Variants in CCAR2 observed in about 807,000 individuals in gnomAD.
CCAR2 encodes the protein cell cycle and apoptosis regulator protein 2.
In CCAR2, 21 loss-of-function variants were observed where a neutral mutation model predicts 108.1. The observed-to-expected ratio is 0.19, with a 90% confidence interval of 0.14 to 0.28. CCAR2 has a LOEUF of 0.28. Among genes scored for constraint, CCAR2 ranks in the 10% least tolerant of loss-of-function variants. The pLI is 1.00. For synonymous variants in CCAR2, 577 were observed against 472.8 expected, an observed-to-expected ratio of 1.22 and a Z score of -2.86; for missense variants, 1,126 against 1,177.0, an observed-to-expected ratio of 0.96 and a Z score of 0.63.
intron 13 of CCAR2, 45 bp from the exon 14 acceptor site, chr8:22,615,967 A>AGTCT: frequency 1.2e-6 from 2 of 1,612,736 alleles, no homozygotes; most frequent in South Asian, 2.2e-5. Flanking sequence ...GGCCTGAAGC[A>AGTCT]GTCTTTCTTC....
At chr8:22,621,200 G>C, downstream of CCAR2, 1 of 590,408 alleles carries the variant, frequency 1.7e-6, no homozygotes, top group South Asian at 2.1e-5. Flanking sequence ...AGCCCCAAGG[G>C]TTTGTCTACA....
intron 7 of CCAR2, among the ~76,000 whole-genome samples, chr8:22,612,018 C>CAA (rs1021894010): frequency 1.3e-5 from 2 of 151,294 alleles, no homozygotes; most frequent in African/African-American, 4.9e-5. Context: ...GATCTCGGCT[C>CAA]ACTGCCACCT....
In CCAR2 at chr8:22,620,112, C is replaced by T. The variant is rs200720164; in HGVS notation, c.*430C>T. On this transcript the variant is annotated 3_prime_UTR_variant, in exon 21 of 21. Transcript: ENST00000308511. ...TGGAGCCTGGCTGGGGCTAAGCAGCCCCCTCCTCCGGATGGCACAGGCTCT... is the reference window on the plus strand; with the variant it reads ...TGGAGCCTGGCTGGGGCTAAGCAGCTCCCTCCTCCGGATGGCACAGGCTCT... 1.6e-5 allele frequency: 3 copies of T among 182,514 alleles called. No homozygotes were observed. Among genetic ancestry groups the T allele is most frequent in the East Asian group, 3.0e-4 (2 of 6,752 alleles). The allele number at this position is 182,514 out of a possible 1,614,324, so 11.3% of individuals were successfully genotyped here.
rs369541294 is a variant in CCAR2 at position 22,613,013 on chromosome 8, C to T, written c.585-4C>T. The T allele has an allele frequency of 6.2e-7, 1 of 1,612,216 alleles. No homozygotes were observed. Among genetic ancestry groups the T allele is most frequent in the Admixed American group, 1.7e-5 (1 of 59,654 alleles). On this transcript the variant is annotated splice_polypyrimidine_tract_variant and splice_region_variant and intron_variant, in intron 7 of 20. Coordinates refer to ENST00000308511, the MANE Select transcript of CCAR2 (RefSeq NM_001393997.1). ...CTTACTGTTGGTGATGGGTCAACCT[C>T]TAGTGATGACTATGACTCCAAGAAA...
chr8:22,614,828 CTT>C lies in CCAR2; in HGVS notation c.1042-9_1042-8del. 6.2e-7 allele frequency: 1 copy of C among 1,612,860 alleles called. No individual in the cohort carries two copies. Among genetic ancestry groups the C allele is most frequent in the Non-Finnish European group, 8.5e-7 (1 of 1,179,676 alleles). Reference sequence around the variant, plus strand: ...GTTTTTTGTTTTGTATCCCTGATCTCTTCTTGCAGTTTTTGCTGGGCAGGAAA... The same window carrying C: ...GTTTTTTGTTTTGTATCCCTGATCTCCTTGCAGTTTTTGCTGGGCAGGAAA... On this transcript the variant is annotated splice_region_variant and splice_polypyrimidine_tract_variant and intron_variant, in intron 10 of 20. Transcript: ENST00000308511.
rs149738749 is a variant in CCAR2 at position 22,618,936 on chromosome 8, C to G, written c.2442C>G (p.Ser814Arg). The change falls in exon 19 of 21, where the codon AGC (serine) becomes AGG (arginine). Residue 814 changes from serine (S) to arginine (R), a missense_variant. Physicochemically the swap from Ser to Arg is moderately radical, Grantham distance 110. Transcript: ENST00000308511. ...SHNGSLINVG[S>R]LLQRAEQQDS... ...ATGGCAGCCTGATTAACGTGGGGAGCCTGCTGCAGCGCGCGGAGCAGCAGG... is the reference window on the plus strand; with the variant it reads ...ATGGCAGCCTGATTAACGTGGGGAGGCTGCTGCAGCGCGCGGAGCAGCAGG... The G allele has an allele frequency of 5.0e-6, 8 of 1,613,632 alleles. No individual in the cohort carries two copies. The African/African-American group carries it at 9.3e-5, about 19-fold the overall frequency.
At chr8:22,619,473 C>T in intron 20 of CCAR2, 118 bp downstream of exon 20, 2 of 1,415,724 alleles carry the variant, frequency 1.4e-6, no homozygotes, top group Non-Finnish European at 1.9e-6. Context: ...CCGGCTTCGT[C>T]TTTCCATCGC....
In CCAR2 at chr8:22,615,081, C is replaced by A. The variant is rs1801445327; in HGVS notation, c.1205+80C>A. The stretch of plus-strand genomic sequence containing the variant: ...TGTTGGGAAGGCCCGGTCCCTGCCC[C>A]TTTCTGCTGGTTAGCTCTCTGCCCC... On this transcript the variant is annotated intron_variant, in intron 11 of 20. Coordinates refer to ENST00000308511, the MANE Select transcript of CCAR2 (RefSeq NM_001393997.1). 5 of 1,434,988 alleles carry A rather than the reference C, an allele frequency of 3.5e-6. No homozygotes were observed. In the Admixed American group the frequency reaches 1.3e-4, roughly 36 times the overall value. 88.9% of individuals were successfully genotyped at this position (1,434,988 alleles called of 1,614,324 possible). A position where few individuals can be genotyped will look rare whatever the true frequency, so the allele number is the denominator to read the frequency against.
chr8:22,606,752 A>G (rs1586945901), intron 4 of CCAR2, 54 bp downstream of exon 4: 2 of 1,513,976 alleles, frequency 1.3e-6, no homozygotes, highest in South Asian at 1.1e-5. Flanking sequence ...CAGTTCTGTC[A>G]CCATGCTGGT....
chr8:22,605,618 A>G (rs889542417), intron 1 of CCAR2, 118 bp from the exon 2 acceptor site: 2 of 645,946 alleles, frequency 3.1e-6, no homozygotes, highest in Non-Finnish European at 5.5e-6. Context: ...GCTTTCATTC[A>G]TTCTTATTAC....
downstream of CCAR2, chr8:22,621,063 T>TCGG: frequency 5.1e-6 from 1 of 195,542 alleles, no homozygotes; most frequent in East Asian, 1.4e-4. Flanking sequence ...GGAGGTAGAT[T>TCGG]TGATGCCCAC....
chr8:22,611,018 A>G (rs560285506), intron 7 of CCAR2, among the ~76,000 whole-genome samples: 250 of 152,168 alleles, frequency 1.6e-3, no homozygotes, highest in Non-Finnish European at 2.9e-3. Flanking sequence ...AAAGCAGTAC[A>G]TGCTATTATA....
In CCAR2 at chr8:22,607,043, C is replaced by T. The variant is rs745625993; in HGVS notation, c.357+19C>T. 19 of 1,612,590 alleles carry T rather than the reference C, an allele frequency of 1.2e-5. No individual in the cohort carries two copies. The highest frequency in any genetic ancestry group is 1.6e-4 in the Middle Eastern group (1 of 6,084). Reference sequence around the variant, plus strand: ...CAACCAGGTATTCATATCTCCTTAGCATGTGCATTGGAAAGGGAAGGGATG... The same window carrying T: ...CAACCAGGTATTCATATCTCCTTAGTATGTGCATTGGAAAGGGAAGGGATG... On this transcript the variant is annotated intron_variant, in intron 5 of 20. Coordinates refer to ENST00000308511, the MANE Select transcript of CCAR2 (RefSeq NM_001393997.1).
chr8:22,615,978 C>G (rs1382497906), intron 13 of CCAR2, 34 bp from the exon 14 acceptor site: 1 of 1,612,942 alleles, frequency 6.2e-7, no homozygotes, highest in Non-Finnish European at 8.5e-7. Context: ...GTCTTTCTTC[C>G]TGATGCTCAT....
At chr8:22,610,492 A>G (rs925862082) in intron 7 of CCAR2, among the ~76,000 whole-genome samples, 2 of 152,240 alleles carry the variant, frequency 1.3e-5, no homozygotes, top group African/African-American at 2.4e-5. Flanking sequence ...GTGGCCACAC[A>G]GTGTACAGCG....
chr8:22,614,968 A>G lies in CCAR2; in HGVS notation c.1172A>G (p.Gln391Arg). The G allele has an allele frequency of 6.2e-7, 1 of 1,602,104 alleles. No homozygotes were observed. Among genetic ancestry groups the G allele is most frequent in the Admixed American group, 1.7e-5 (1 of 57,932 alleles). ...VRTAIRCAQA[Q>R]TGIDLSGCTK... Reference sequence around the variant, plus strand: ...ACCGCCATCCGCTGTGCGCAGGCCCAGACTGGCATTGATTTGAGCGGCTGT... The same window carrying G: ...ACCGCCATCCGCTGTGCGCAGGCCCGGACTGGCATTGATTTGAGCGGCTGT... Residue 391 changes from glutamine (Q) to arginine (R), a missense_variant, in exon 11 of 21, where the codon CAG (glutamine) becomes CGG (arginine). Physicochemically the swap from Gln to Arg is conservative, Grantham distance 43 (BLOSUM62 1). This residue lies in a region of CCAR2 where 1,013 missense variants were observed against 993.9 expected (regional missense o/e 1.02). Transcript: ENST00000308511.
chr8:22,615,697 G>C lies in CCAR2; in HGVS notation c.1393G>C (p.Glu465Gln). ...QEAQGETEPT[E>Q]QAPDALEQAA... ...GTTGTCACAGGAAACGGAGCCTACT[G>C]AACAGGCACCTGATGCCTTGGAGCA... The change falls in exon 13 of 21, where the codon GAA becomes CAA. Residue 465 changes from glutamate (E) to glutamine (Q), a missense_variant. Around this residue, in one of 4 missense-constraint regions of CCAR2, gnomAD observed 1,013 missense variants for 993.9 expected, o/e 1.02. Transcript: ENST00000308511. 1 of 1,613,734 alleles carries C rather than the reference G, an allele frequency of 6.2e-7. No homozygotes were observed. The highest frequency in any genetic ancestry group is 8.5e-7 in the Non-Finnish European group (1 of 1,180,018).
At chr8:22,616,773 G>A (rs1348446967) in intron 14 of CCAR2, 4 of 152,120 alleles carry the variant, frequency 2.6e-5, no homozygotes, top group Admixed American at 1.8e-4. Flanking sequence ...CCGAGGTCGC[G>A]CCACTGCAGT....
At chr8:22,609,208 G>C (rs1801192351) in intron 7 of CCAR2, among the ~76,000 whole-genome samples, 2 of 152,180 alleles carry the variant, frequency 1.3e-5, no homozygotes, top group South Asian at 4.1e-4. Flanking sequence ...GCACCACCAT[G>C]CTGGAGTAAT....
Sources: gnomAD v4.1 joint callset for allele counts (sites outside exome capture counted in the v4.1 genomes callset) on GRCh38, gnomAD v4.1.1 for gene constraint, gnomAD v4.1.1 regional missense constraint, MANE v1.5 for transcripts, NCBI Gene and HGNC (gene_info 2026-07-23, HGNC 2026-07-21) for gene names.